The following OR7A5 variants were observed in gnomAD, a reference collection of about 807,000 sequenced individuals.
The protein encoded by OR7A5 is olfactory receptor family 7 subfamily A member 5.
For synonymous variants in OR7A5, 140 were observed against 146.7 expected (o/e 0.95, Z 0.33); for missense variants, 319 against 377.9 (o/e 0.84, Z 1.29).
intron 1 of OR7A5, among the ~76,000 whole-genome samples, chr19:14,829,671 A>C (rs1342212364): frequency 1.3e-5 from 2 of 152,222 alleles, no homozygotes; most frequent in Non-Finnish European, 2.9e-5. Context: ...ATGCTGTTGC[A>C]CCTGCACTTT....
At chr19:14,828,608 A>T (rs2044798342) in intron 1 of OR7A5, among the ~76,000 whole-genome samples, 1 of 151,826 alleles carries the variant, frequency 6.6e-6, no homozygotes, top group African/African-American at 2.4e-5. Flanking sequence ...AAAATACAAA[A>T]ATTAGCCTGG....
At position 14,826,693 on chromosome 19, in the gene OR7A5, T is replaced by C. The variant is rs2044771028; in HGVS notation, c.*589A>G. 6.6e-6 allele frequency: 1 copy of C among 152,246 alleles called. No individual in the cohort carries two copies. Among genetic ancestry groups the C allele is most frequent in the Non-Finnish European group, 1.5e-5 (1 of 68,054 alleles). 9.4% of individuals were successfully genotyped at this position (152,246 alleles called of 1,614,324 possible). A position where few individuals can be genotyped will look rare whatever the true frequency, so the allele number is the denominator to read the frequency against. ...GTTTGTCTTTCAGTGGGCATTGCAC[T>C]CGGAACATATTTTTGATAAACAATT... On this transcript the variant is annotated 3_prime_UTR_variant, in exon 2 of 2. Transcript: ENST00000322301.
Position 14,827,395 on chromosome 19 carries a change from G to C in OR7A5, c.847C>G (p.Pro283Ala), listed in dbSNP as rs370209477. 19 of 1,613,866 alleles carry C rather than the reference G, an allele frequency of 1.2e-5. No individual in the cohort carries two copies. In the African/African-American group the frequency reaches 2.0e-4, roughly 17 times the overall value. Residue 283 changes from proline to alanine, a missense_variant, in exon 2 of 2, where the codon CCC becomes GCC. Coordinates refer to ENST00000322301, the MANE Select transcript of OR7A5 (RefSeq NM_017506.2). ...CTATAGATAAAGGGGTTCAGCATGG[G>C]GGTGACCACAGTGTACATCACTGAG... The part of the protein sequence containing the change: ...TASVMYTVVT[P>A]MLNPFIYSLR...
chr19:14,833,710 G>GCC (rs1233885677), intron 1 of OR7A5, among the ~76,000 whole-genome samples: 1 of 152,106 alleles, frequency 6.6e-6, no homozygotes, highest in Admixed American at 6.5e-5. Flanking sequence ...ATAAAAATGG[G>GCC]CATATAGTAA....
intron 1 of OR7A5, among the ~76,000 whole-genome samples, chr19:14,833,293 A>C (rs1453312837): frequency 6.6e-6 from 1 of 152,246 alleles, no homozygotes. Flanking sequence ...AGCCTGGGCA[A>C]TATGGCGAAA....
intron 1 of OR7A5, among the ~76,000 whole-genome samples, chr19:14,829,436 C>T (rs1217815411): frequency 6.6e-6 from 1 of 152,234 alleles, no homozygotes; most frequent in African/African-American, 2.4e-5. Context: ...CTCCCAACCT[C>T]AGGTGATCCG....
chr19:14,830,973 A>G (rs550594264), intron 1 of OR7A5, among the ~76,000 whole-genome samples: 1 of 152,292 alleles, frequency 6.6e-6, no homozygotes, highest in Admixed American at 6.5e-5. Flanking sequence ...TCGCAGCACA[A>G]GCACTATCCT....
rs553837208 is a variant in OR7A5 at position 14,827,872 on chromosome 19, C to T, written c.370G>A (p.Val124Met). Residue 124 changes from valine to methionine, a missense_variant, in exon 2 of 2, where the codon GTG becomes ATG. Coordinates refer to ENST00000322301, the MANE Select transcript of OR7A5 (RefSeq NM_017506.2). ...LLSVMAYDRFVAICHPLHYMV... is the reference protein window; with the variant it reads ...LLSVMAYDRFMAICHPLHYMV... ...TAGTGCAGGGGGTGACAGATGGCCA[C>T]AAACCGGTCATAGGCCATCACGGAC... 6.2e-7 allele frequency: 1 copy of T among 1,614,154 alleles called. No homozygotes were observed. Among genetic ancestry groups the T allele is most frequent in the East Asian group, 2.2e-5 (1 of 44,882 alleles).
chr19:14,833,725 A>G (rs2044856704), intron 1 of OR7A5, among the ~76,000 whole-genome samples: 1 of 152,240 alleles, frequency 6.6e-6, no homozygotes, highest in Non-Finnish European at 1.5e-5. Context: ...TAGTAAACAT[A>G]AGGCAATCAA....
intron 1 of OR7A5, among the ~76,000 whole-genome samples, chr19:14,830,686 C>A (rs2044823135): frequency 6.6e-6 from 1 of 152,038 alleles, no homozygotes; most frequent in South Asian, 2.1e-4. Flanking sequence ...CCTTTTGGAA[C>A]TAGAAATAAG....
At chr19:14,832,238 A>G (rs1323222310) in intron 1 of OR7A5, among the ~76,000 whole-genome samples, 1 of 151,994 alleles carries the variant, frequency 6.6e-6, no homozygotes, top group Non-Finnish European at 1.5e-5. Flanking sequence ...ACACTAAGAA[A>G]TATTCTTTAT....
rs2044852248 is a variant in OR7A5 at position 14,833,294 on chromosome 19, T to TA, written c.-14+1779dup. On this transcript the variant is annotated intron_variant, in intron 1 of 1. Coordinates refer to ENST00000322301, the MANE Select transcript of OR7A5 (RefSeq NM_017506.2). ...GGGAGTTCAAGACCAGCCTGGGCAA[T>TA]ATGGCGAAACGCCATCTCTACCAAA... Among the ~76,000 whole-genome samples, 3 of 152,298 alleles carry TA rather than the reference T, an allele frequency of 2.0e-5. No individual in the cohort carries two copies. In the South Asian group the frequency reaches 6.2e-4, roughly 32 times the overall value.
chr19:14,834,192 G>A (rs150818935), intron 1 of OR7A5, among the ~76,000 whole-genome samples: 1 of 152,268 alleles, frequency 6.6e-6, no homozygotes, highest in Non-Finnish European at 1.5e-5. Context: ...AGCCAAGGAG[G>A]TTGAGGCAGC....
At chr19:14,830,849 T>C (rs2044824877) in intron 1 of OR7A5, among the ~76,000 whole-genome samples, 1 of 152,156 alleles carries the variant, frequency 6.6e-6, no homozygotes, top group African/African-American at 2.4e-5. Context: ...CGTGTGCCAA[T>C]GACTCACAAT....
chr19:14,828,398 T>A, intron 1 of OR7A5, 144 bp from the exon 2 acceptor site: 2 of 800,156 alleles, frequency 2.5e-6, no homozygotes, highest in South Asian at 3.9e-5. Context: ...GATCTCCATG[T>A]CATCTCTGAT....
chr19:14,832,768 TAAAA>T, intron 1 of OR7A5, among the ~76,000 whole-genome samples: 1 of 151,970 alleles, frequency 6.6e-6, no homozygotes. Context: ...TATGCATTAT[TAAAA>T]AAAGAATTAT....
At chr19:14,834,831 T>C (rs2044869365) in intron 1 of OR7A5, among the ~76,000 whole-genome samples, 1 of 152,248 alleles carries the variant, frequency 6.6e-6, no homozygotes, top group African/African-American at 2.4e-5. Flanking sequence ...ATTGGGCTTC[T>C]GTGACCTTCA....
rs761300408 is a variant in OR7A5 at position 14,828,142 on chromosome 19, T to C, written c.100A>G (p.Met34Val). 2 of 1,614,108 alleles carry C rather than the reference T, an allele frequency of 1.2e-6. No homozygotes were observed. Among genetic ancestry groups the C allele is most frequent in the Non-Finnish European group, 8.5e-7 (1 of 1,180,020 alleles). ...TTCCCGAGCACAGTGACCAGGTACATGGACAGGAACAGCCCAAAGAGGAAG... is the reference window on the plus strand; with the variant it reads ...TTCCCGAGCACAGTGACCAGGTACACGGACAGGAACAGCCCAAAGAGGAAG... ...QPFLFGLFLS[M>V]YLVTVLGNLL... Residue 34 changes from methionine (M) to valine (V), a missense_variant, in exon 2 of 2, where the codon ATG becomes GTG. Transcript: ENST00000322301.
intron 1 of OR7A5, 141 bp from the exon 2 acceptor site, chr19:14,828,395 A>C: frequency 4.9e-6 from 4 of 821,872 alleles, no homozygotes; most frequent in Non-Finnish European, 7.6e-6. Context: ...AGGGATCTCC[A>C]TGTCATCTCT....
Sources: allele counts gnomAD v4.1 joint callset (sites outside exome capture counted in the v4.1 genomes callset), GRCh38; gene constraint gnomAD v4.1.1; transcripts MANE v1.5; gene names NCBI Gene and HGNC (gene_info 2026-07-23, HGNC 2026-07-21).